Variants in TMEM229B observed in about 807,000 individuals in gnomAD.
TMEM229B encodes transmembrane protein 229B.
Under a neutral mutation model 13.7 loss-of-function variants are expected in TMEM229B, and 6 were observed. The ratio of observed to expected loss-of-function variants is 0.44; its 90% CI spans 0.24 to 0.86. TMEM229B has a LOEUF of 0.86. TMEM229B is among the 40% of genes least tolerant of loss of function. The pLI, the probability that TMEM229B is intolerant of heterozygous loss-of-function variation, is 0.23. For missense variants in TMEM229B, 170 were observed against 236.0 expected, an observed-to-expected ratio of 0.72 and a Z score of 1.83; for synonymous variants, 107 against 102.1, an observed-to-expected ratio of 1.05 and a Z score of -0.29.
rs781223160 is a variant in TMEM229B at position 67,471,348 on chromosome 14, T to C, written c.*2072A>G. The C allele has an allele frequency of 1.3e-5, 2 of 152,164 alleles. No individual in the cohort carries two copies. The highest frequency in any genetic ancestry group is 2.9e-5 in the Non-Finnish European group (2 of 68,080). The allele number at this position is 152,164 out of a possible 1,614,324, so 9.4% of individuals were successfully genotyped here. On this transcript the variant is annotated 3_prime_UTR_variant, in exon 3 of 3. Transcript: ENST00000554480. ...GCAAGTGTGAAGGTGGGTAGTGTGGTCTAGGGGCCCACATGGAAGGCCTGA... is the reference window on the plus strand; with the variant it reads ...GCAAGTGTGAAGGTGGGTAGTGTGGCCTAGGGGCCCACATGGAAGGCCTGA...
At chr14:67,478,503 G>A (rs1427141191) in intron 2 of TMEM229B, among the ~76,000 whole-genome samples, 2 of 152,208 alleles carry the variant, frequency 1.3e-5, no homozygotes, top group African/African-American at 4.8e-5. Flanking sequence ...ATCACAGGAT[G>A]AAAGAGTGTG....
At chr14:67,529,647 T>C (rs971506483) in intron 1 of TMEM229B, among the ~76,000 whole-genome samples, 1 of 152,164 alleles carries the variant, frequency 6.6e-6, no homozygotes, top group African/African-American at 2.4e-5. Context: ...AATCACTGCC[T>C]TCCTAGCCCC....
chr14:67,490,713 C>T (rs1031992037), upstream of TMEM229B, among the ~76,000 whole-genome samples: 1 of 152,170 alleles, frequency 6.6e-6, no homozygotes, highest in East Asian at 1.9e-4. Context: ...TCATCATCTC[C>T]TTGGCCTGGA....
upstream of TMEM229B, among the ~76,000 whole-genome samples, chr14:67,492,297 C>T (rs1034830818): frequency 1.3e-5 from 2 of 152,204 alleles, no homozygotes; most frequent in Non-Finnish European, 2.9e-5. Flanking sequence ...GCCTGGCCGC[C>T]GTCCCAGAGT....
chr14:67,476,336 C>T (rs2031192737), intron 2 of TMEM229B, among the ~76,000 whole-genome samples: 1 of 152,192 alleles, frequency 6.6e-6, no homozygotes, highest in Non-Finnish European at 1.5e-5. Context: ...CCTGTAATCC[C>T]AGAACTGTGA....
chr14:67,514,337 A>G (rs2033127257), intron 1 of TMEM229B, among the ~76,000 whole-genome samples: 4 of 152,288 alleles, frequency 2.6e-5, no homozygotes, highest in Admixed American at 1.3e-4. Context: ...ATACCTGGGA[A>G]AGAGGCCAAT....
chr14:67,486,328 G>A (rs561974047), intron 2 of TMEM229B, among the ~76,000 whole-genome samples: 306 of 152,356 alleles, frequency 2.0e-3, no homozygotes, highest in Non-Finnish European at 3.5e-3. Flanking sequence ...AGGCTGGGGT[G>A]CAATGGCACG....
chr14:67,476,935 G>A (rs745401653), intron 2 of TMEM229B, among the ~76,000 whole-genome samples: 5 of 152,104 alleles, frequency 3.3e-5, no homozygotes, highest in African/African-American at 7.2e-5. Flanking sequence ...AGACCAGCCT[G>A]ACCAAAATGA....
chr14:67,518,958 G>A (rs770774993), upstream of TMEM229B, among the ~76,000 whole-genome samples: 55 of 152,360 alleles, frequency 3.6e-4, no homozygotes, highest in South Asian at 8.3e-4. Context: ...AGCAAGAAGT[G>A]AGGTAGAAGC....
rs1275700154 is a variant in TMEM229B at position 67,472,562 on chromosome 14, C to G, written c.*858G>C. 1 of 152,442 alleles carries G rather than the reference C, an allele frequency of 6.6e-6. No individual in the cohort carries two copies. Among genetic ancestry groups the G allele is most frequent in the Non-Finnish European group, 1.5e-5 (1 of 68,248 alleles). The allele number at this position is 152,442 out of a possible 1,614,324, so 9.4% of individuals were successfully genotyped here. Reference sequence around the variant, plus strand: ...TGTAACTCAGGAACTCCCCAGGCATCAGGCCAGCCGGAACAGTGGAGGGAA... The same window carrying G: ...TGTAACTCAGGAACTCCCCAGGCATGAGGCCAGCCGGAACAGTGGAGGGAA... On this transcript the variant is annotated 3_prime_UTR_variant, in exon 3 of 3. Coordinates refer to ENST00000554480, the MANE Select transcript of TMEM229B (RefSeq NM_001348543.2).
At position 67,473,296 on chromosome 14, in the gene TMEM229B, C is replaced by T. The variant is rs1480512158; in HGVS notation, c.*124G>A. 37 of 1,353,874 alleles carry T rather than the reference C, an allele frequency of 2.7e-5. No individual in the cohort carries two copies. In the Admixed American group the frequency reaches 7.5e-4, roughly 27 times the overall value. 83.9% of individuals were successfully genotyped at this position (1,353,874 alleles called of 1,614,324 possible). On this transcript the variant is annotated 3_prime_UTR_variant, in exon 3 of 3. Coordinates refer to ENST00000554480, the MANE Select transcript of TMEM229B (RefSeq NM_001348543.2). This position sits in a 1 kb window ranked among gnomAD's most constrained non-coding sequence, Gnocchi z 6.5. ...CGCGGACGTTAGGGGGCTCTGTGTG[C>T]CCTATAGGGCTGAGGCTTGGCCGGA...
At chr14:67,528,888 G>A (rs1047201695) in intron 1 of TMEM229B, among the ~76,000 whole-genome samples, 2 of 152,174 alleles carry the variant, frequency 1.3e-5, no homozygotes, top group African/African-American at 4.8e-5. Context: ...ATAGCTAGAG[G>A]TGGCCTGGAA....
At chr14:67,519,608 CAAG>C (rs1438444988), upstream of TMEM229B, among the ~76,000 whole-genome samples, 1 of 151,642 alleles carries the variant, frequency 6.6e-6, no homozygotes, top group Non-Finnish European at 1.5e-5. Flanking sequence ...ACTGTTACTA[CAAG>C]AAGGGAAAGG....
Position 67,473,943 on chromosome 14 carries a change from T to C in TMEM229B, c.-18-2A>G, listed in dbSNP as rs777491498. 6.3e-7 allele frequency: 1 copy of C among 1,584,674 alleles called. No individual in the cohort carries two copies. The highest frequency in any genetic ancestry group is 8.6e-7 in the Non-Finnish European group (1 of 1,166,144). On this transcript the variant is annotated splice_acceptor_variant, in intron 2 of 2. Coordinates refer to ENST00000554480, the MANE Select transcript of TMEM229B (RefSeq NM_001348543.2). LOFTEE classifies it low-confidence loss of function (5UTR_SPLICE). The surrounding 1 kb of genome is among the most constrained non-coding windows in gnomAD (Gnocchi z 6.5). ...CGCCATGGCGCCGACTGGGGCTGGCTGCGGGGGGCGCAAGAGAGACAGGTG... is the reference window on the plus strand; with the variant it reads ...CGCCATGGCGCCGACTGGGGCTGGCCGCGGGGGGCGCAAGAGAGACAGGTG...
At chr14:67,489,600 T>C (rs2032071355), upstream of TMEM229B, among the ~76,000 whole-genome samples, 2 of 152,182 alleles carry the variant, frequency 1.3e-5, no homozygotes, top group African/African-American at 2.4e-5. Flanking sequence ...CTCACTCCTT[T>C]GCGATGCCGT....
rs750957266 is a variant in TMEM229B at position 67,473,410 on chromosome 14, C to T, written c.*10G>A. On this transcript the variant is annotated 3_prime_UTR_variant, in exon 3 of 3. Transcript: ENST00000554480. This position sits in a 1 kb window ranked among gnomAD's most constrained non-coding sequence, Gnocchi z 6.5. ...ATGAGAGATCCCCAGGCCCCCCACCCGCTTCCTGCTCAGTCAGTCTTGACA... is the reference window on the plus strand; with the variant it reads ...ATGAGAGATCCCCAGGCCCCCCACCTGCTTCCTGCTCAGTCAGTCTTGACA... 5 of 1,611,304 alleles carry T rather than the reference C, an allele frequency of 3.1e-6. No individual in the cohort carries two copies. The highest frequency in any genetic ancestry group is 3.4e-6 in the Non-Finnish European group (4 of 1,178,366).
At chr14:67,504,778 G>A (rs1018389771) in intron 1 of TMEM229B, among the ~76,000 whole-genome samples, 11 of 152,052 alleles carry the variant, frequency 7.2e-5, no homozygotes, top group South Asian at 4.2e-4. Context: ...CCAGCTACTC[G>A]GGAGTCTGAG....
chr14:67,508,759 A>AAAAAAAAAAAAAAAAAC (rs1566698800), intron 1 of TMEM229B, among the ~76,000 whole-genome samples: 1 of 149,560 alleles, frequency 6.7e-6, no homozygotes, highest in African/African-American at 2.4e-5. Context: ...GTCTCAAAAA[A>AAAAAAAAAAAAAAAAAC]AAAAAAAAAA....
chr14:67,478,511 G>A (rs2031370245), intron 2 of TMEM229B, among the ~76,000 whole-genome samples: 1 of 152,210 alleles, frequency 6.6e-6, no homozygotes, highest in South Asian at 2.1e-4. Context: ...ATGAAAGAGT[G>A]TGTAGAAAAA....
Sources: allele counts gnomAD v4.1 joint callset (sites outside exome capture counted in the v4.1 genomes callset), GRCh38; gene constraint gnomAD v4.1.1; non-coding constraint Gnocchi (gnomAD v3.1); transcripts MANE v1.5; gene names NCBI Gene and HGNC (gene_info 2026-07-23, HGNC 2026-07-21).